Variants in BCL2L13 observed in about 807,000 individuals in gnomAD.
BCL2L13 encodes the protein BCL2 like 13, also known as bcl-2-like protein 13.
In BCL2L13, 13 loss-of-function variants were observed where a neutral mutation model predicts 25.8. That is an observed-to-expected ratio of 0.50 (90% CI 0.33 to 0.80). The LOEUF is 0.80. Among genes scored for constraint, BCL2L13 ranks in the 30% least tolerant of loss-of-function variants. The probability of loss-of-function intolerance (pLI) is 0.02; values close to 1 mark genes in which losing one functional copy is unlikely to be tolerated. For missense variants in BCL2L13, 504 were observed against 574.9 expected (o/e 0.88, Z 1.26); for synonymous variants, 244 against 230.3 (o/e 1.06, Z -0.54).
At chr22:17,701,631 A>C (rs1000187602) in intron 5 of BCL2L13, among the ~76,000 whole-genome samples, 8 of 152,198 alleles carry the variant, frequency 5.3e-5, no homozygotes, top group African/African-American at 1.9e-4. Context: ...CTGCTGTTAT[A>C]AATAATGCTT....
intron 2 of BCL2L13, among the ~76,000 whole-genome samples, chr22:17,678,717 A>G (rs2059645864): frequency 6.6e-6 from 1 of 152,138 alleles, no homozygotes; most frequent in African/African-American, 2.4e-5. Flanking sequence ...CCCTTCCTGA[A>G]CTTCCCCAGT....
At chr22:17,644,041 G>A (rs1303304619) in intron 1 of BCL2L13, among the ~76,000 whole-genome samples, 1 of 151,148 alleles carries the variant, frequency 6.6e-6, no homozygotes, top group Non-Finnish European at 1.5e-5. Context: ...CTCCTGAGTA[G>A]CTGGGAATAC....
upstream of BCL2L13, among the ~76,000 whole-genome samples, chr22:17,635,715 CT>C (rs1299003270): frequency 1.7e-3 from 240 of 144,030 alleles, no homozygotes; most frequent in Non-Finnish European, 1.8e-3. Flanking sequence ...CAAAAACAAT[CT>C]TTTTTTTTTT....
intron 2 of BCL2L13, among the ~76,000 whole-genome samples, chr22:17,668,357 A>C (rs2059304085): frequency 6.6e-6 from 1 of 151,760 alleles, no homozygotes; most frequent in Non-Finnish European, 1.5e-5. Context: ...TTATCTAAGA[A>C]ACCATTGGCT....
chr22:17,648,375 A>G (rs2058566173), intron 1 of BCL2L13, among the ~76,000 whole-genome samples: 1 of 152,036 alleles, frequency 6.6e-6, no homozygotes, highest in Non-Finnish European at 1.5e-5. Context: ...GAGCTGCTGC[A>G]TTGCTACACA....
chr22:17,667,185 T>C lies in BCL2L13; in HGVS notation c.121+11353T>C, dbSNP rs186827535. Among the ~76,000 whole-genome samples the C allele has an allele frequency of 1.3e-3, 198 of 152,214 alleles. 1 individual carries two copies. The highest frequency in any genetic ancestry group is 4.3e-3 in the African/African-American group (178 of 41,550). On this transcript the variant is annotated intron_variant, in intron 2 of 6. Transcript: ENST00000317582. ...ATTGCTGGATCATATGGTAGCTCAA[T>C]TTTTAGTTAGTTTCCCCCCCAACCC... is the stretch of plus-strand genomic sequence containing the variant.
At chr22:17,694,491 A>G (rs1216814892) in intron 4 of BCL2L13, among the ~76,000 whole-genome samples, 1 of 151,908 alleles carries the variant, frequency 6.6e-6, no homozygotes, top group African/African-American at 2.4e-5. Context: ...CCTGGGCAAC[A>G]TAGGTGACTC....
Position 17,727,406 on chromosome 22 carries a change from T to TC in BCL2L13, c.1335dup (p.Ala446ArgfsTer3), listed in dbSNP as rs1569025309. ...GCCGTCTGAGGGCAAGTCTAGACTG[T>TC]CCCCCGCCGGTGAGATGAAGCCCAT... On this transcript the variant is annotated frameshift_variant, in exon 7 of 7. Coordinates refer to ENST00000317582, the MANE Select transcript of BCL2L13 (RefSeq NM_015367.4). LOFTEE classifies it low-confidence loss of function (END_TRUNC). The TC allele has an allele frequency of 1.2e-6, 2 of 1,614,080 alleles. No homozygotes were observed. Among genetic ancestry groups the TC allele is most frequent in the Non-Finnish European group, 8.5e-7 (1 of 1,179,994 alleles).
At chr22:17,685,015 A>C (rs58484680) in intron 3 of BCL2L13, among the ~76,000 whole-genome samples, 5 of 151,640 alleles carry the variant, frequency 3.3e-5, no homozygotes, top group East Asian at 2.0e-4. Context: ...GATTACAGGC[A>C]TGAGCCACCA....
intron 6 of BCL2L13, among the ~76,000 whole-genome samples, chr22:17,719,231 G>C (rs2061033984): frequency 6.6e-6 from 1 of 151,098 alleles, no homozygotes; most frequent in African/African-American, 2.4e-5. Flanking sequence ...TTAAAAATGG[G>C]CAAAAGATTT....
chr22:17,684,275 A>C (rs941378766), intron 3 of BCL2L13, among the ~76,000 whole-genome samples: 1 of 152,158 alleles, frequency 6.6e-6, no homozygotes, highest in African/African-American at 2.4e-5. Context: ...TCAAAACCAC[A>C]CTGGGCAACA....
chr22:17,677,427 T>A (rs1024431455), intron 2 of BCL2L13, among the ~76,000 whole-genome samples: 2 of 152,150 alleles, frequency 1.3e-5, no homozygotes, highest in East Asian at 3.9e-4. Context: ...ATTCTTTAAT[T>A]TGGTTGCAAA....
intron 2 of BCL2L13, among the ~76,000 whole-genome samples, chr22:17,659,222 G>C (rs1349935307): frequency 6.8e-6 from 1 of 146,068 alleles, no homozygotes; most frequent in Non-Finnish European, 1.6e-5. Flanking sequence ...AAATTAGCTA[G>C]GTATGTTGGC....
At chr22:17,631,318 A>T (rs931204967) in intron 1 of BCL2L13, among the ~76,000 whole-genome samples, 3 of 151,712 alleles carry the variant, frequency 2.0e-5, no homozygotes, top group African/African-American at 7.3e-5. Context: ...CTGTTCTTGG[A>T]ACTCCTGAGC....
intron 4 of BCL2L13, among the ~76,000 whole-genome samples, chr22:17,690,022 T>C (rs2060059828): frequency 6.6e-6 from 1 of 151,818 alleles, no homozygotes; most frequent in Non-Finnish European, 1.5e-5. Context: ...AAGGAAAGTA[T>C]TAAAATAGAA....
In BCL2L13 at chr22:17,727,534, G is replaced by A; in HGVS notation, c.1458G>A (p.Ter486=). The A allele has an allele frequency of 6.2e-7, 1 of 1,613,532 alleles. No homozygotes were observed. The highest frequency in any genetic ancestry group is 8.5e-7 in the Non-Finnish European group (1 of 1,179,586). The part of the protein sequence containing the change: ...IGVALALRKK[*] The stretch of plus-strand genomic sequence containing the variant: ...TAGCCCTGGCTCTGAGAAAGAAATA[G>A]GAGGCTTTTCAGAAGAGAAAGACAG... The change falls in exon 7 of 7, where the codon TAG becomes TAA. Residue 486 remains the stop codon, a stop_retained_variant. Transcript: ENST00000317582.
At chr22:17,724,115 T>TA (rs2061230958) in intron 6 of BCL2L13, among the ~76,000 whole-genome samples, 1 of 151,080 alleles carries the variant, frequency 6.6e-6, no homozygotes, top group African/African-American at 2.4e-5. Context: ...CTACAAAAAA[T>TA]AAAAAAACTT....
At chr22:17,655,610 A>G (rs1212268318) in intron 1 of BCL2L13, 52 bp from the exon 2 acceptor site, 8 of 1,413,646 alleles carry the variant, frequency 5.7e-6, no homozygotes, top group Admixed American at 2.2e-5. Context: ...AACAACTGTT[A>G]AAGTGGCATG....
intron 1 of BCL2L13, among the ~76,000 whole-genome samples, chr22:17,650,008 TTACA>T (rs1272616854): frequency 6.6e-6 from 1 of 151,276 alleles, no homozygotes; most frequent in Non-Finnish European, 1.5e-5. Flanking sequence ...GTAGCTGGGA[TTACA>T]GGCGCCTGCC....
Sources: gnomAD v4.1 joint callset for allele counts (sites outside exome capture counted in the v4.1 genomes callset) on GRCh38, gnomAD v4.1.1 for gene constraint, MANE v1.5 for transcripts, NCBI Gene and HGNC (gene_info 2026-07-23, HGNC 2026-07-21) for gene names.